SMARCC1: variants seen among roughly 807,000 people sequenced by gnomAD.
SMARCC1 encodes SWI/SNF complex subunit SMARCC1.
Under a neutral mutation model 147.4 loss-of-function variants are expected in SMARCC1, and 43 were observed. The ratio of observed to expected loss-of-function variants is 0.29; its 90% confidence interval spans 0.23 to 0.38. SMARCC1 has a LOEUF of 0.38. SMARCC1 is among the 10% of genes least tolerant of loss of function. The pLI, the probability that SMARCC1 is intolerant of heterozygous loss-of-function variation, is 1.00. For missense variants in SMARCC1, 1,119 were observed against 1,381.1 expected, an observed-to-expected ratio of 0.81 and a Z score of 3.01; for synonymous variants, 495 against 484.4, an observed-to-expected ratio of 1.02 and a Z score of -0.29.
At chr3:47,749,744 G>GACCCTCTAA (rs2034607277) in intron 2 of SMARCC1, among the ~76,000 whole-genome samples, 2 of 143,196 alleles carry the variant, frequency 1.4e-5, no homozygotes, top group African/African-American at 2.5e-5. Flanking sequence ...GACAGAGAGA[G>GACCCTCTAA]AGAGAGAGAG....
chr3:47,673,295 CAGG>C (rs1225859545), intron 18 of SMARCC1, among the ~76,000 whole-genome samples: 1 of 148,884 alleles, frequency 6.7e-6, no homozygotes, highest in African/African-American at 2.5e-5. Context: ...GAGGCTGAGG[CAGG>C]AGAACTGGTC....
At position 47,710,179 on chromosome 3, in the gene SMARCC1, T is replaced by A. The variant is rs990356864; in HGVS notation, c.918+504A>T. 2.0e-5 allele frequency among the ~76,000 whole-genome samples: 3 copies of A among 152,038 alleles called. No homozygotes were observed. The East Asian group carries it at 5.8e-4, about 29-fold the overall frequency. ...TAAAAATGCAAAAATTAGCCAGGTA[T>A]GGTGGCAAGCGCCTATAATCCCAGC... is the stretch of plus-strand genomic sequence containing the variant. On this transcript the variant is annotated intron_variant, in intron 9 of 27. Transcript: ENST00000254480.
intron 9 of SMARCC1, among the ~76,000 whole-genome samples, chr3:47,707,033 G>A (rs2034001765): frequency 6.6e-6 from 1 of 152,180 alleles, no homozygotes; most frequent in Admixed American, 6.6e-5. Flanking sequence ...TGTCTAGGCT[G>A]GGTGCCATGG....
chr3:47,768,421 A>G (rs1056243022), intron 2 of SMARCC1, among the ~76,000 whole-genome samples: 1 of 152,174 alleles, frequency 6.6e-6, no homozygotes, highest in Non-Finnish European at 1.5e-5. Flanking sequence ...CTGGAACTAA[A>G]TAATGGTTTA....
At chr3:47,683,954 T>G (rs1299711625) in intron 14 of SMARCC1, among the ~76,000 whole-genome samples, 1 of 142,938 alleles carries the variant, frequency 7.0e-6, no homozygotes, top group Non-Finnish European at 1.5e-5. Flanking sequence ...AAGCAATCAA[T>G]AAAAAAGACA....
chr3:47,741,136 A>C (rs2034504833), intron 3 of SMARCC1, among the ~76,000 whole-genome samples: 1 of 152,056 alleles, frequency 6.6e-6, no homozygotes. Context: ...GAGGCATATA[A>C]GCAAAATCTA....
intron 21 of SMARCC1, among the ~76,000 whole-genome samples, chr3:47,660,444 TAAAAA>T (rs71070206): frequency 4.5e-5 from 3 of 67,356 alleles, no homozygotes; most frequent in East Asian, 3.9e-4. Context: ...AGACTCTGTC[TAAAAA>T]AAAAAAAAAA....
chr3:47,676,985 C>T (rs2033582769), intron 16 of SMARCC1, among the ~76,000 whole-genome samples: 1 of 151,956 alleles, frequency 6.6e-6, no homozygotes, highest in East Asian at 1.9e-4. Context: ...AACACAGCAC[C>T]CCCAAACCTA....
chr3:47,768,118 G>A (rs544761772), intron 2 of SMARCC1, among the ~76,000 whole-genome samples: 3 of 152,238 alleles, frequency 2.0e-5, no homozygotes, highest in East Asian at 3.9e-4. Flanking sequence ...GAGATTACAG[G>A]TGTGAGCCAT....
chr3:47,725,623 T>C lies in SMARCC1; in HGVS notation c.646+3402A>G, dbSNP rs1441260967. On this transcript the variant is annotated intron_variant, in intron 6 of 27. Coordinates refer to ENST00000254480, the MANE Select transcript of SMARCC1 (RefSeq NM_003074.4). The stretch of plus-strand genomic sequence containing the variant: ...CCGCCACCATGCCCAGCTATTTTTT[T>C]GTGTTTTTAGTAGAGACGGGGTTTC... Among the ~76,000 whole-genome samples, 3 of 152,026 alleles carry C rather than the reference T, an allele frequency of 2.0e-5. No homozygotes were observed. The East Asian group carries it at 5.8e-4, about 29-fold the overall frequency.
intron 14 of SMARCC1, among the ~76,000 whole-genome samples, chr3:47,685,454 T>C (rs540363618): frequency 6.6e-6 from 1 of 152,260 alleles, no homozygotes; most frequent in Non-Finnish European, 1.5e-5. Context: ...ATTTGCTTGT[T>C]TGAATTATAG....
rs1336823627 is a variant in SMARCC1, at chr3:47,676,638, T to C, written c.1716A>G (p.Arg572=). ...GTCAACATTAATTTACCTGAGGTGA[T>C]CGAAGATGCAGAGGCACAAGCCCAG... ...TPSGLVPLHL[R]SPQVPAAQQM... The change falls in exon 17 of 28, where the codon CGA becomes CGG. Residue 572 remains arginine (R), a synonymous_variant. Coordinates refer to ENST00000254480, the MANE Select transcript of SMARCC1 (RefSeq NM_003074.4). The C allele has an allele frequency of 6.2e-7, 1 of 1,613,818 alleles. No homozygotes were observed.
intron 5 of SMARCC1, among the ~76,000 whole-genome samples, chr3:47,730,805 G>A (rs2034364891): frequency 1.3e-5 from 2 of 151,812 alleles, no homozygotes; most frequent in South Asian, 2.1e-4. Flanking sequence ...GGCAGAGGCT[G>A]CAGTGAGCCG....
chr3:47,675,674 G>A (rs149193714), intron 17 of SMARCC1, 86 bp from the exon 18 acceptor site: 60 of 700,054 alleles, frequency 8.6e-5, no homozygotes, highest in Non-Finnish European at 1.3e-4. Flanking sequence ...TGGGCCAGGC[G>A]CCGTGGCTCA....
At chr3:47,674,646 T>A (rs978041220) in intron 18 of SMARCC1, among the ~76,000 whole-genome samples, 4 of 152,100 alleles carry the variant, frequency 2.6e-5, no homozygotes, top group African/African-American at 9.7e-5. Flanking sequence ...ATCTGTTCTT[T>A]TTATGTGTGT....
intron 5 of SMARCC1, among the ~76,000 whole-genome samples, chr3:47,733,344 G>A (rs1050198753): frequency 4.6e-5 from 7 of 152,152 alleles, no homozygotes; most frequent in African/African-American, 1.4e-4. Context: ...TTGGGAGGCC[G>A]AGGTAGCAGG....
chr3:47,638,845 G>A (rs2033009693), intron 21 of SMARCC1, 65 bp from the exon 22 acceptor site: 18 of 1,068,340 alleles, frequency 1.7e-5, no homozygotes, highest in Non-Finnish European at 2.6e-5. Context: ...TTATTATACA[G>A]CTGTGAGAGT....
intron 2 of SMARCC1, among the ~76,000 whole-genome samples, chr3:47,749,234 G>A (rs2034600274): frequency 1.3e-5 from 2 of 152,128 alleles, no homozygotes; most frequent in South Asian, 4.1e-4. Context: ...AACCTGGGAG[G>A]CAGAGGTTGA....
chr3:47,708,083 CTTTTTTTTTTTT>C (rs915291740), intron 9 of SMARCC1, among the ~76,000 whole-genome samples: 8 of 64,266 alleles, frequency 1.2e-4, no homozygotes, highest in African/African-American at 5.3e-4. Flanking sequence ...AATTTTTTTT[CTTTTTTTTTTTT>C]TTTTTTTTTT....
Sources: gnomAD v4.1 joint callset for allele counts (sites outside exome capture counted in the v4.1 genomes callset) on GRCh38, gnomAD v4.1.1 for gene constraint, MANE v1.5 for transcripts, NCBI Gene and HGNC (gene_info 2026-07-23, HGNC 2026-07-21) for gene names.